The following SP100 variants were observed in gnomAD, a reference collection of about 807,000 sequenced individuals.
SP100 encodes the protein nuclear autoantigen Sp-100.
SP100 carries 84 observed loss-of-function variants against 130.0 expected under a neutral mutation model. That is an observed-to-expected ratio of 0.65 (90% CI 0.54 to 0.77). The LOEUF (loss-of-function observed/expected upper bound fraction) is 0.77. Among genes scored for constraint, SP100 ranks in the 30% least tolerant of loss-of-function variants. SP100 has a pLI of 0.00. For synonymous variants in SP100, 331 were observed against 351.7 expected (o/e 0.94, Z 0.66); for missense variants, 978 against 1,052.2 (o/e 0.93, Z 0.97).
At chr2:230,466,489 A>G in intron 12 of SP100, 135 bp downstream of exon 12, 2 of 600,212 alleles carry the variant, frequency 3.3e-6, no homozygotes, top group Non-Finnish European at 5.9e-6. Context: ...ATTTGCTTTA[A>G]ATTTCAATGG....
chr2:230,422,995 G>A (rs1046640494), intron 2 of SP100, among the ~76,000 whole-genome samples: 2 of 152,154 alleles, frequency 1.3e-5, no homozygotes, highest in Non-Finnish European at 2.9e-5. Context: ...AAATAACTGA[G>A]GGTGATTGAA....
chr2:230,515,468 C>T, intron 24 of SP100: 1 of 1,613,248 alleles, frequency 6.2e-7, no homozygotes, highest in South Asian at 1.1e-5. Flanking sequence ...AAGAAGGCTG[C>T]AAAGCTGAAG....
At chr2:230,466,551 G>A (rs1055310547) in intron 12 of SP100, among the ~76,000 whole-genome samples, 197 bp downstream of exon 12, 2 of 152,124 alleles carry the variant, frequency 1.3e-5, no homozygotes, top group Non-Finnish European at 2.9e-5. Flanking sequence ...TATAACATAT[G>A]AACCCAAAGA....
In SP100 at chr2:230,416,262, G is replaced by A. The variant is rs1219110216; in HGVS notation, c.-35G>A. ...GGCCGACTGAGGGGCTCAGAGGCCA[G>A]GCTCTGAGGCCCACGCAGGGCCTAG... On this transcript the variant is annotated 5_prime_UTR_variant, in exon 1 of 29. Transcript: ENST00000340126. The A allele has an allele frequency of 3.1e-6, 5 of 1,606,000 alleles. No individual in the cohort carries two copies. The highest frequency in any genetic ancestry group is 1.3e-5 in the African/African-American group (1 of 74,842).
At chr2:230,541,447 G>T in intron 27 of SP100, 75 bp downstream of exon 27, 1 of 1,296,580 alleles carries the variant, frequency 7.7e-7, no homozygotes. Context: ...GGCACAAGGT[G>T]CCATTCTATT....
At chr2:230,497,126 G>A (rs1373163062) in intron 18 of SP100, among the ~76,000 whole-genome samples, 1 of 152,082 alleles carries the variant, frequency 6.6e-6, no homozygotes, top group African/African-American at 2.4e-5. Context: ...AATTTGCAAA[G>A]AATAATTACA....
At chr2:230,440,591 A>T in intron 2 of SP100, 4 of 1,367,142 alleles carry the variant, frequency 2.9e-6, no homozygotes, top group Non-Finnish European at 3.8e-6. Flanking sequence ...ATGTTAACAG[A>T]TTGGAAGCTC....
At chr2:230,428,807 G>A (rs1343742417) in intron 2 of SP100, among the ~76,000 whole-genome samples, 1 of 152,154 alleles carries the variant, frequency 6.6e-6, no homozygotes, top group African/African-American at 2.4e-5. Context: ...CAGCAAGGGG[G>A]AAATGCACCC....
chr2:230,463,121 G>A (rs968742312), intron 10 of SP100, among the ~76,000 whole-genome samples: 2 of 152,150 alleles, frequency 1.3e-5, no homozygotes, highest in African/African-American at 4.8e-5. Context: ...CCTTAAAGGG[G>A]TAAACAGAAG....
intron 20 of SP100, 43 bp downstream of exon 20, chr2:230,503,153 A>C: frequency 7.3e-7 from 1 of 1,370,258 alleles, no homozygotes; most frequent in Non-Finnish European, 1.0e-6. Flanking sequence ...TTAAACATTT[A>C]ATATTTAATA....
At chr2:230,462,326 T>C (rs1296416125) in intron 9 of SP100, 109 bp from the exon 10 acceptor site, 1 of 786,324 alleles carries the variant, frequency 1.3e-6, no homozygotes, top group African/African-American at 1.7e-5. Context: ...GGGTCTTGAG[T>C]TAACTTAGCT....
intron 2 of SP100, among the ~76,000 whole-genome samples, chr2:230,438,639 G>GTATATATATATATATATA (rs142300655): frequency 8.1e-5 from 11 of 135,140 alleles, no homozygotes; most frequent in African/African-American, 3.2e-4. Flanking sequence ...ACTCCATGGT[G>GTATATATATATATATATA]TATATATATA....
chr2:230,503,466 T>C (rs966856227), intron 20 of SP100, among the ~76,000 whole-genome samples: 2 of 152,234 alleles, frequency 1.3e-5, no homozygotes, highest in African/African-American at 2.4e-5. Flanking sequence ...ATTTACCTTT[T>C]TTGATGCCAG....
chr2:230,421,372 G>C (rs2062763239), intron 2 of SP100, among the ~76,000 whole-genome samples: 1 of 152,072 alleles, frequency 6.6e-6, no homozygotes, highest in Non-Finnish European at 1.5e-5. Context: ...GGCTGACCTT[G>C]AAGCTTGACA....
intron 24 of SP100, among the ~76,000 whole-genome samples, chr2:230,530,460 C>G (rs1007524846): frequency 6.6e-6 from 1 of 152,106 alleles, no homozygotes; most frequent in Non-Finnish European, 1.5e-5. Flanking sequence ...AATGTTAGAC[C>G]TAAAACCATA....
rs1260111709 is a variant in SP100 at position 230,444,215 on chromosome 2, A to G, written c.308A>G (p.Gln103Arg). 6.2e-7 allele frequency: 1 copy of G among 1,610,542 alleles called. No homozygotes were observed. The highest frequency in any genetic ancestry group is 1.7e-5 in the Admixed American group (1 of 59,446). Residue 103 changes from glutamine (Q) to arginine (R), a missense_variant, in exon 4 of 29, where the codon CAG (glutamine) becomes CGG (arginine). Coordinates refer to ENST00000340126, the MANE Select transcript of SP100 (RefSeq NM_001080391.2). Reference protein sequence around the residue: ...QDSCRNLVPVQRVVYNVLSEL... With the variant: ...QDSCRNLVPVRRVVYNVLSEL... The stretch of plus-strand genomic sequence containing the variant: ...TCTTGTAGAAACCTGGTCCCTGTAC[A>G]GAGAGTGGTGTACAATGTTCTTAGT...
At chr2:230,482,125 C>T (rs1056011243) in intron 17 of SP100, among the ~76,000 whole-genome samples, 1 of 152,034 alleles carries the variant, frequency 6.6e-6, no homozygotes, top group Admixed American at 6.6e-5. Context: ...TTTTGATGTA[C>T]GGAATATTTT....
chr2:230,481,116 C>T (rs981121371), intron 17 of SP100, among the ~76,000 whole-genome samples: 6 of 151,926 alleles, frequency 3.9e-5, no homozygotes, highest in African/African-American at 1.5e-4. Context: ...CGGATTGGAC[C>T]TGAGTGCTTT....
At chr2:230,492,034 C>T (rs930970911) in intron 17 of SP100, among the ~76,000 whole-genome samples, 2 of 152,024 alleles carry the variant, frequency 1.3e-5, no homozygotes, top group African/African-American at 2.4e-5. Flanking sequence ...TTATATGATT[C>T]CTTTGGTGCT....
Sources: gnomAD v4.1 joint callset for allele counts (sites outside exome capture counted in the v4.1 genomes callset) on GRCh38, gnomAD v4.1.1 for gene constraint, MANE v1.5 for transcripts, NCBI Gene and HGNC (gene_info 2026-07-23, HGNC 2026-07-21) for gene names.